The following DNAI4 variants were observed in gnomAD, a reference collection of about 807,000 sequenced individuals.
The protein encoded by DNAI4 is dynein axonemal intermediate chain 4.
DNAI4 carries 85 observed loss-of-function variants against 105.8 expected under a neutral mutation model. That is an observed-to-expected ratio of 0.80 (90% confidence interval 0.67 to 0.96). The LOEUF (loss-of-function observed/expected upper bound fraction) is 0.96. DNAI4 is among the 40% of genes least tolerant of loss of function. The pLI, the probability that DNAI4 is intolerant of heterozygous loss-of-function variation, is 0.00. For missense variants in DNAI4, 1,014 were observed against 1,005.6 expected (o/e 1.01, Z -0.11); for synonymous variants, 352 against 331.5 (o/e 1.06, Z -0.67).
At chr1:66,851,105 T>C (rs12184298) in intron 7 of DNAI4, among the ~76,000 whole-genome samples, 1,760 of 151,914 alleles carry the variant, frequency 0.012, 24 homozygotes, top group Non-Finnish European at 0.013. Context: ...TACAATAAAT[T>C]TATTTCAAAT....
In DNAI4 at chr1:66,827,919, CA is replaced by C; in HGVS notation, c.2014-10del. The C allele has an allele frequency of 6.4e-7, 1 of 1,551,488 alleles. No homozygotes were observed. The highest frequency in any genetic ancestry group is 8.8e-7 in the Non-Finnish European group (1 of 1,133,398). ...AAATAGATATTTGTGTCCTACAACA[CA>C]AAACATCGAAATGCATTGGCTTGTG... On this transcript the variant is annotated splice_polypyrimidine_tract_variant and intron_variant, in intron 13 of 16. Coordinates refer to ENST00000371026, the MANE Select transcript of DNAI4 (RefSeq NM_024763.5).
At chr1:66,897,787 T>C (rs975434324) in intron 2 of DNAI4, among the ~76,000 whole-genome samples, 23 of 152,190 alleles carry the variant, frequency 1.5e-4, no homozygotes, top group Admixed American at 1.1e-3. Context: ...GCAAAAGCTG[T>C]GGAGGAATTA....
At chr1:66,921,966 C>T (rs1404138535) in intron 1 of DNAI4, among the ~76,000 whole-genome samples, 4 of 149,876 alleles carry the variant, frequency 2.7e-5, no homozygotes, top group African/African-American at 9.9e-5. Flanking sequence ...GCAGTGATCA[C>T]GGATCACTAC....
intron 4 of DNAI4, among the ~76,000 whole-genome samples, chr1:66,878,706 G>A (rs1326011098): frequency 1.3e-5 from 2 of 152,012 alleles, no homozygotes; most frequent in East Asian, 3.9e-4. Context: ...TTCCCTTCTT[G>A]CTTTCTGTAA....
chr1:66,836,206 AAGAGAG>A (rs1219534466), intron 10 of DNAI4, among the ~76,000 whole-genome samples: 34 of 17,002 alleles, frequency 2.0e-3, no homozygotes, highest in Middle Eastern at 0.042. Context: ...GAAAGAAAGA[AAGAGAG>A]AGAGAGAGAG....
chr1:66,814,183 G>GAAA lies in DNAI4; in HGVS notation c.2497-6_2497-4dup. ...AGCAAAGTATCCATTATATCTCCCT[G>GAAA]AAAAAAAAAAGTCACACAATTACAA... is the stretch of plus-strand genomic sequence containing the variant. On this transcript the variant is annotated splice_region_variant and splice_polypyrimidine_tract_variant and intron_variant, in intron 16 of 16. Coordinates refer to ENST00000371026, the MANE Select transcript of DNAI4 (RefSeq NM_024763.5). 1 of 1,402,668 alleles carries GAAA rather than the reference G, an allele frequency of 7.1e-7. No homozygotes were observed. The highest frequency in any genetic ancestry group is 1.3e-5 in the South Asian group (1 of 74,538). 86.9% of individuals were successfully genotyped at this position (1,402,668 alleles called of 1,614,324 possible). A position where few individuals can be genotyped will look rare whatever the true frequency, so the allele number is the denominator to read the frequency against.
At chr1:66,834,725 G>C (rs1278669981) in intron 11 of DNAI4, among the ~76,000 whole-genome samples, 1 of 152,028 alleles carries the variant, frequency 6.6e-6, no homozygotes, top group Non-Finnish European at 1.5e-5. Context: ...TCAGATTAAT[G>C]TGATGTTCTT....
At chr1:66,878,552 G>A (rs750214763) in intron 4 of DNAI4, among the ~76,000 whole-genome samples, 1 of 152,094 alleles carries the variant, frequency 6.6e-6, no homozygotes. Flanking sequence ...TTAGTGGACA[G>A]AGCTAAGAAA....
At chr1:66,873,874 T>C (rs1049053391) in intron 5 of DNAI4, among the ~76,000 whole-genome samples, 3 of 149,284 alleles carry the variant, frequency 2.0e-5, no homozygotes, top group African/African-American at 7.4e-5. Flanking sequence ...TTTTTTTTTT[T>C]TGGTCCTAGG....
chr1:66,839,371 AAAAT>A (rs1182652972), intron 9 of DNAI4, among the ~76,000 whole-genome samples: 93 of 152,336 alleles, frequency 6.1e-4, no homozygotes, highest in African/African-American at 2.2e-3. Context: ...ACTTCGTTAC[AAAAT>A]AATACACATA....
intron 4 of DNAI4, among the ~76,000 whole-genome samples, chr1:66,875,425 G>A (rs1281224863): frequency 2.0e-5 from 3 of 152,014 alleles, no homozygotes; most frequent in African/African-American, 4.8e-5. Context: ...TTCACCAGGG[G>A]TAAAGACTCT....
intron 2 of DNAI4, among the ~76,000 whole-genome samples, chr1:66,899,169 T>C (rs889045651): frequency 2.0e-5 from 3 of 152,258 alleles, no homozygotes; most frequent in African/African-American, 7.2e-5. Context: ...GCTTAACCTC[T>C]TGAGGCACTT....
intron 1 of DNAI4, chr1:66,919,193 G>T: frequency 2.6e-6 from 1 of 386,512 alleles, no homozygotes; most frequent in Admixed American, 2.6e-5. Flanking sequence ...CTGTATCACG[G>T]GTACACATCC....
In DNAI4 at chr1:66,858,290, GA is replaced by G. The variant is rs576691603; in HGVS notation, c.1096+3856del. Among the ~76,000 whole-genome samples the G allele has an allele frequency of 1.6e-3, 240 of 152,036 alleles. 1 individual carries two copies. Among genetic ancestry groups the G allele is most frequent in the Non-Finnish European group, 2.9e-3 (195 of 67,994 alleles). On this transcript the variant is annotated intron_variant, in intron 7 of 16. Transcript: ENST00000371026. ...CACGCCTGTAATCCCAGCACTTTGG[GA>G]GGCCGAGGCCGGCAGATCTTGAAGT... is the stretch of plus-strand genomic sequence containing the variant.
chr1:66,852,609 A>G (rs1194697053), intron 7 of DNAI4, among the ~76,000 whole-genome samples: 1 of 152,170 alleles, frequency 6.6e-6, no homozygotes, highest in East Asian at 1.9e-4. Context: ...GGCCAATGAA[A>G]AAAAATCACA....
intron 16 of DNAI4, among the ~76,000 whole-genome samples, chr1:66,815,469 C>T (rs900710627): frequency 2.6e-5 from 4 of 152,168 alleles, no homozygotes; most frequent in South Asian, 2.1e-4. Flanking sequence ...ATTACAGATT[C>T]GTGTTTCTAA....
chr1:66,918,781 T>C (rs1252223596), intron 1 of DNAI4, among the ~76,000 whole-genome samples: 1 of 152,150 alleles, frequency 6.6e-6, no homozygotes, highest in African/African-American at 2.4e-5. Context: ...TCTAAAATGT[T>C]TTCTCCAAAA....
chr1:66,880,606 C>T (rs748381082), intron 4 of DNAI4, among the ~76,000 whole-genome samples: 16 of 152,036 alleles, frequency 1.1e-4, no homozygotes, highest in South Asian at 2.1e-4. Context: ...TTCTAAGCAA[C>T]GAAGCATTCA....
At chr1:66,854,599 C>T (rs923912246) in intron 7 of DNAI4, among the ~76,000 whole-genome samples, 3 of 151,968 alleles carry the variant, frequency 2.0e-5, no homozygotes, top group South Asian at 2.1e-4. Flanking sequence ...ATCAGGAGTT[C>T]GAGACCAGCC....
Sources: gnomAD v4.1 joint callset for allele counts (sites outside exome capture counted in the v4.1 genomes callset) on GRCh38, gnomAD v4.1.1 for gene constraint, MANE v1.5 for transcripts, NCBI Gene and HGNC (gene_info 2026-07-23, HGNC 2026-07-21) for gene names.